TTLL7: variants seen among roughly 807,000 people sequenced by gnomAD.
TTLL7 encodes the protein tubulin polyglutamylase TTLL7.
Under a neutral mutation model 120.2 loss-of-function variants are expected in TTLL7, and 53 were observed. The observed-to-expected ratio is 0.44, with a 90% confidence interval of 0.35 to 0.55. The LOEUF is 0.55. TTLL7 is among the 20% of genes least tolerant of loss of function. The pLI, the probability that TTLL7 is intolerant of heterozygous loss-of-function variation, is 0.00. For synonymous variants in TTLL7, 353 were observed against 351.7 expected (o/e 1.00, Z -0.04); for missense variants, 803 against 1,054.7 (o/e 0.76, Z 3.31).
chr1:83,898,302 C>T (rs1196877410), intron 18 of TTLL7, among the ~76,000 whole-genome samples: 1 of 151,788 alleles, frequency 6.6e-6, no homozygotes, highest in African/African-American at 2.4e-5. Context: ...CATGGGGAAC[C>T]TTAGTACAAA....
At chr1:83,952,053 C>G in intron 2 of TTLL7, 77 bp from the exon 3 acceptor site, 1 of 1,519,886 alleles carries the variant, frequency 6.6e-7, no homozygotes, top group Non-Finnish European at 9.0e-7. Context: ...CCACCCCCAC[C>G]CCACACCAAG....
intron 18 of TTLL7, 105 bp from the exon 19 acceptor site, chr1:83,890,586 A>G: frequency 4.9e-6 from 4 of 824,408 alleles, no homozygotes; most frequent in Non-Finnish European, 7.5e-6. Flanking sequence ...TGGGCAATAT[A>G]GTGAGAACCT....
chr1:83,936,648 G>A (rs528880599), intron 8 of TTLL7, among the ~76,000 whole-genome samples: 1 of 152,230 alleles, frequency 6.6e-6, no homozygotes, highest in Non-Finnish European at 1.5e-5. Flanking sequence ...CATCTCTCAG[G>A]AAGCTCTAAC....
chr1:83,972,429 A>T (rs1651076592), intron 1 of TTLL7, among the ~76,000 whole-genome samples: 1 of 152,028 alleles, frequency 6.6e-6, no homozygotes, highest in South Asian at 2.1e-4. Flanking sequence ...TCTTTCTATG[A>T]CTTAATAGCT....
At chr1:83,919,078 T>C (rs1011632209) in intron 13 of TTLL7, among the ~76,000 whole-genome samples, 3 of 152,022 alleles carry the variant, frequency 2.0e-5, no homozygotes, top group Non-Finnish European at 4.4e-5. Flanking sequence ...CTACCCTGGA[T>C]TTCTAGCCCC....
chr1:83,968,941 T>TACACAAAACA (rs1362643345), intron 1 of TTLL7, among the ~76,000 whole-genome samples: 1 of 152,030 alleles, frequency 6.6e-6, no homozygotes, highest in Non-Finnish European at 1.5e-5. Context: ...CACAAAACTG[T>TACACAAAACA]AATTTTCCCT....
intron 6 of TTLL7, 86 bp from the exon 7 acceptor site, chr1:83,942,765 G>T: frequency 1.1e-6 from 1 of 935,842 alleles, no homozygotes; most frequent in Non-Finnish European, 1.6e-6. Flanking sequence ...ATGGAAAATA[G>T]TGGAGTAAGG....
chr1:83,911,090 G>A, intron 15 of TTLL7, 75 bp downstream of exon 15: 1 of 1,275,788 alleles, frequency 7.8e-7, no homozygotes, highest in Non-Finnish European at 1.1e-6. Flanking sequence ...TTGGCCCAAG[G>A]ACCTTTTACT....
At chr1:83,895,479 A>G (rs1235059487) in intron 18 of TTLL7, among the ~76,000 whole-genome samples, 1 of 152,110 alleles carries the variant, frequency 6.6e-6, no homozygotes, top group Non-Finnish European at 1.5e-5. Context: ...CTTAGATTCC[A>G]TAATCATACA....
At chr1:83,989,490 T>G (rs190660478) in intron 1 of TTLL7, among the ~76,000 whole-genome samples, 5 of 152,250 alleles carry the variant, frequency 3.3e-5, no homozygotes, top group Admixed American at 2.6e-4. Flanking sequence ...ATTTCTGGAT[T>G]CTCTATTCTA....
At position 83,873,910 on chromosome 1, in the gene TTLL7, A is replaced by G. The variant is rs192239758; in HGVS notation, c.2544-3828T>C. The stretch of plus-strand genomic sequence containing the variant: ...TAGGACCTGGTTTGGAAAACTCAGG[A>G]TAAATAAAGCTCATCAGAATATCTG... On this transcript the variant is annotated intron_variant, in intron 20 of 20. Transcript: ENST00000260505. Among the ~76,000 whole-genome samples, 287 of 152,262 alleles carry G rather than the reference A, an allele frequency of 1.9e-3. 1 individual carries two copies. Among genetic ancestry groups the G allele is most frequent in the Non-Finnish European group, 3.5e-3 (237 of 67,976 alleles).
At chr1:83,977,432 A>G (rs1378752836) in intron 1 of TTLL7, among the ~76,000 whole-genome samples, 1 of 151,490 alleles carries the variant, frequency 6.6e-6, no homozygotes, top group Non-Finnish European at 1.5e-5. Context: ...ATCTTAAAAC[A>G]TGGAGGAAAA....
chr1:83,904,015 G>T, intron 18 of TTLL7, 64 bp downstream of exon 18: 2 of 1,246,468 alleles, frequency 1.6e-6, no homozygotes, highest in Non-Finnish European at 2.3e-6. Flanking sequence ...TATGAATTTG[G>T]CTTAATGATC....
chr1:83,952,106 T>A (rs954392351), intron 2 of TTLL7, 81 bp downstream of exon 2: 47 of 1,509,942 alleles, frequency 3.1e-5, no homozygotes, highest in Non-Finnish European at 4.2e-5. Flanking sequence ...CCCCAATTAA[T>A]TTTTAATACT....
rs1192932144 is a variant in TTLL7, at chr1:83,865,970, T to C, written c.*3992A>G. On this transcript the variant is annotated 3_prime_UTR_variant, in exon 21 of 21. Transcript: ENST00000260505. ...TATAAGTCAACATTAGCCCAAAATA[T>C]TTAGATAACTAATACGGCCCTTGAA... The C allele has an allele frequency of 6.6e-6, 1 of 151,946 alleles. No individual in the cohort carries two copies. The highest frequency in any genetic ancestry group is 1.9e-4 in the East Asian group (1 of 5,188). The allele number at this position is 151,946 out of a possible 1,614,324, so 9.4% of individuals were successfully genotyped here. A position where few individuals can be genotyped will look rare whatever the true frequency, so the allele number is the denominator to read the frequency against.
chr1:83,958,427 T>G (rs1038319271), intron 1 of TTLL7, among the ~76,000 whole-genome samples: 1 of 152,196 alleles, frequency 6.6e-6, no homozygotes, highest in African/African-American at 2.4e-5. Flanking sequence ...GCTTTTACTT[T>G]GAGGCAAAAA....
intron 15 of TTLL7, 64 bp downstream of exon 15, chr1:83,911,101 G>A (rs1401953504): frequency 1.4e-6 from 2 of 1,400,416 alleles, no homozygotes; most frequent in Non-Finnish European, 2.0e-6. Context: ...ACCTTTTACT[G>A]AGTTTAATAA....
chr1:83,870,199 T>G, intron 20 of TTLL7, 117 bp from the exon 21 acceptor site: 1 of 950,120 alleles, frequency 1.1e-6, no homozygotes, highest in South Asian at 2.3e-5. Context: ...GTAACAAAAA[T>G]GCAATTCATA....
chr1:83,952,487 A>G (rs1272915705), intron 1 of TTLL7, 100 bp from the exon 2 acceptor site: 4 of 337,128 alleles, frequency 1.2e-5, no homozygotes, highest in Admixed American at 4.6e-5. Flanking sequence ...GTGAAAGTTA[A>G]TGTGTTCAAT....
Sources: gnomAD v4.1 joint callset for allele counts (sites outside exome capture counted in the v4.1 genomes callset) on GRCh38, gnomAD v4.1.1 for gene constraint, MANE v1.5 for transcripts, NCBI Gene and HGNC (gene_info 2026-07-23, HGNC 2026-07-21) for gene names.